RDH10: variants seen among roughly 807,000 people sequenced by gnomAD.
RDH10 encodes the protein retinol dehydrogenase 10.
Under a neutral mutation model 30.2 loss-of-function variants are expected in RDH10, and 12 were observed. That is an observed-to-expected ratio of 0.40 (90% CI 0.25 to 0.64). RDH10 has a LOEUF of 0.64. Among genes scored for constraint, RDH10 ranks in the 30% least tolerant of loss-of-function variants. The pLI is 0.43. For synonymous variants in RDH10, 189 were observed against 172.2 expected, an observed-to-expected ratio of 1.10 and a Z score of -0.76; for missense variants, 268 against 445.2, an observed-to-expected ratio of 0.60 and a Z score of 3.58.
At chr8:73,295,697 C>T in intron 1 of RDH10, 119 bp downstream of exon 1, 1 of 1,087,428 alleles carries the variant, frequency 9.2e-7, no homozygotes, top group South Asian at 1.7e-5. Context: ...AAGGAACACC[C>T]CACCGGTCTT....
intron 2 of RDH10, among the ~76,000 whole-genome samples, chr8:73,306,300 A>T (rs548308467): frequency 3.1e-4 from 47 of 152,308 alleles, no homozygotes; most frequent in African/African-American, 1.1e-3. Flanking sequence ...GGGGACGCAA[A>T]CCTTTTCATG....
intron 2 of RDH10, among the ~76,000 whole-genome samples, 168 bp from the exon 3 acceptor site, chr8:73,318,928 C>G (rs1352794521): frequency 6.6e-6 from 1 of 152,076 alleles, no homozygotes; most frequent in Non-Finnish European, 1.5e-5. Flanking sequence ...TGATACAGTG[C>G]TAAGTTAGCC....
chr8:73,318,131 T>C (rs187626666), intron 2 of RDH10, among the ~76,000 whole-genome samples: 20 of 151,702 alleles, frequency 1.3e-4, no homozygotes, highest in Admixed American at 9.8e-4. Flanking sequence ...GACAGATTGC[T>C]CTTCGCTGCT....
In RDH10 at chr8:73,295,920, A is replaced by G. The variant is rs1414275554; in HGVS notation, c.289+342A>G. The stretch of plus-strand genomic sequence containing the variant: ...AAGAAATGTCTTGCTCCGACTTACA[A>G]GCGGCGCGATGGGAAACTGAAGCGT... On this transcript the variant is annotated intron_variant, in intron 1 of 5. Transcript: ENST00000240285. 1.2e-5 allele frequency: 11 copies of G among 947,116 alleles called. No homozygotes were observed. In the East Asian group the frequency reaches 3.0e-4, roughly 26 times the overall value. The allele number at this position is 947,116 out of a possible 1,614,324, so 58.7% of individuals were successfully genotyped here.
intron 4 of RDH10, 140 bp from the exon 5 acceptor site, chr8:73,322,539 C>A (rs774928423): frequency 1.1e-5 from 8 of 725,000 alleles, no homozygotes; most frequent in Non-Finnish European, 1.8e-5. Context: ...TTGGAAAATA[C>A]AGAAAAGCAC....
intron 2 of RDH10, among the ~76,000 whole-genome samples, chr8:73,310,305 T>C (rs1301280315): frequency 1.3e-5 from 2 of 152,256 alleles, no homozygotes; most frequent in African/African-American, 4.8e-5. Flanking sequence ...AGTTTTCAGG[T>C]GTAATCTCTT....
intron 3 of RDH10, among the ~76,000 whole-genome samples, chr8:73,319,892 G>A (rs986263906): frequency 2.6e-5 from 4 of 152,342 alleles, no homozygotes; most frequent in Non-Finnish European, 4.4e-5. Flanking sequence ...AGATTATAAA[G>A]TATGAGTATA....
chr8:73,315,062 C>T (rs940206783), intron 2 of RDH10, among the ~76,000 whole-genome samples: 2 of 152,068 alleles, frequency 1.3e-5, no homozygotes, highest in African/African-American at 4.8e-5. Flanking sequence ...TTATAGCCCA[C>T]AGTTGGAAAA....
At chr8:73,322,431 T>G (rs555228897) in intron 4 of RDH10, 1 of 436,312 alleles carries the variant, frequency 2.3e-6, no homozygotes, top group African/African-American at 2.0e-5. Flanking sequence ...CTTAAAAACA[T>G]GACTTTTTCA....
chr8:73,308,973 G>T (rs1814510632), intron 2 of RDH10, among the ~76,000 whole-genome samples: 1 of 152,176 alleles, frequency 6.6e-6, no homozygotes, highest in Non-Finnish European at 1.5e-5. Context: ...ATCTGAGTCT[G>T]CATTTGATTC....
At chr8:73,315,933 T>C (rs758424192) in intron 2 of RDH10, among the ~76,000 whole-genome samples, 3 of 152,254 alleles carry the variant, frequency 2.0e-5, no homozygotes, top group Non-Finnish European at 4.4e-5. Flanking sequence ...GTCAATAATA[T>C]GTTTTATACT....
chr8:73,295,379 G>C lies in RDH10; in HGVS notation c.90G>C (p.Lys30Asn). The change falls in exon 1 of 6, where the codon AAG (lysine) becomes AAC (asparagine). Residue 30 changes from lysine to asparagine, a missense_variant. This residue lies in a region of RDH10 where 44 missense variants were observed against 42.1 expected (regional missense o/e 1.04). Coordinates refer to ENST00000240285, the MANE Select transcript of RDH10 (RefSeq NM_172037.5). ...CGGCGCGCTGGCTGGTGCGGCCCAA[G>C]GAGAAGAGCGTGGCGGGCCAGGTGT... ...LAAARWLVRPKEKSVAGQVCL... is the reference protein window; with the variant it reads ...LAAARWLVRPNEKSVAGQVCL... The C allele has an allele frequency of 6.4e-6, 10 of 1,557,732 alleles. No individual in the cohort carries two copies. The highest frequency in any genetic ancestry group is 8.7e-6 in the Non-Finnish European group (10 of 1,152,618).
At chr8:73,301,330 G>A (rs1394723615) in intron 2 of RDH10, among the ~76,000 whole-genome samples, 1 of 151,356 alleles carries the variant, frequency 6.6e-6, no homozygotes, top group Non-Finnish European at 1.5e-5. Context: ...GATTACAGGC[G>A]TGAGCCACCG....
chr8:73,320,806 T>G (rs1814757705), intron 3 of RDH10, 126 bp from the exon 4 acceptor site: 1 of 868,730 alleles, frequency 1.2e-6, no homozygotes, highest in Non-Finnish European at 1.8e-6. Flanking sequence ...TCCTTTTCTT[T>G]GTGTAGTCAC....
Position 73,295,108 on chromosome 8 carries a change from C to T in RDH10, c.-182C>T. ...GCGCCGAGCCCGGGCGGGAGTGGCCCCGCGCAGGCAGGGAGCGGCGCCGCG... is the reference window on the plus strand; with the variant it reads ...GCGCCGAGCCCGGGCGGGAGTGGCCTCGCGCAGGCAGGGAGCGGCGCCGCG... On this transcript the variant is annotated 5_prime_UTR_variant, in exon 1 of 6. Transcript: ENST00000240285. 2.3e-6 allele frequency: 1 copy of T among 427,294 alleles called. No individual in the cohort carries two copies. Among genetic ancestry groups the T allele is most frequent in the South Asian group, 7.7e-5 (1 of 12,922 alleles). The allele number at this position is 427,294 out of a possible 1,614,324, so 26.5% of individuals were successfully genotyped here.
chr8:73,316,086 G>T (rs746860027), intron 2 of RDH10, among the ~76,000 whole-genome samples: 1 of 152,122 alleles, frequency 6.6e-6, no homozygotes, highest in Non-Finnish European at 1.5e-5. Flanking sequence ...ACACAATCAC[G>T]GCTCACTGTA....
chr8:73,301,681 G>A (rs1025045262), intron 2 of RDH10, among the ~76,000 whole-genome samples: 9 of 152,196 alleles, frequency 5.9e-5, no homozygotes, highest in South Asian at 4.2e-4. Flanking sequence ...GTTTGAACCC[G>A]GGAGGCCGAA....
intron 2 of RDH10, chr8:73,315,655 C>T: frequency 2.2e-6 from 1 of 449,690 alleles, no homozygotes. Context: ...TTACAGCCAA[C>T]CTGCTATGGT....
chr8:73,301,554 T>C (rs1035084586), intron 2 of RDH10, among the ~76,000 whole-genome samples: 4 of 151,188 alleles, frequency 2.6e-5, no homozygotes, highest in African/African-American at 9.8e-5. Context: ...TGTCAGGAGT[T>C]CGAGACCAGC....
Sources: allele counts gnomAD v4.1 joint callset (sites outside exome capture counted in the v4.1 genomes callset), GRCh38; gene constraint gnomAD v4.1.1; regional missense constraint gnomAD v4.1.1; transcripts MANE v1.5; gene names NCBI Gene and HGNC (gene_info 2026-07-23, HGNC 2026-07-21).